ABHD12: variants seen among roughly 807,000 people sequenced by gnomAD.
The protein encoded by ABHD12 is lysophosphatidylserine lipase ABHD12.
ABHD12 carries 43 observed loss-of-function variants against 58.3 expected under a neutral mutation model. That is an observed-to-expected ratio of 0.74 (90% confidence interval 0.58 to 0.95). The LOEUF is 0.95. ABHD12 is among the 40% of genes least tolerant of loss of function. The probability of loss-of-function intolerance (pLI) is 0.00; values close to 1 mark genes in which losing one functional copy is unlikely to be tolerated. For missense variants in ABHD12, 539 were observed against 537.2 expected (o/e 1.00, Z -0.03); for synonymous variants, 219 against 211.2 (o/e 1.04, Z -0.32).
intron 1 of ABHD12, among the ~76,000 whole-genome samples, chr20:25,370,106 T>G (rs1286975042): frequency 2.0e-5 from 3 of 152,170 alleles, no homozygotes; most frequent in African/African-American, 7.2e-5. Context: ...TTGATTACAG[T>G]GGACCCAAAC....
intron 10 of ABHD12, among the ~76,000 whole-genome samples, chr20:25,304,755 G>A (rs2088703758): frequency 6.6e-6 from 1 of 151,166 alleles, no homozygotes; most frequent in Non-Finnish European, 1.5e-5. Context: ...TTTTAGTAGA[G>A]ACAGGGTTTC....
intron 2 of ABHD12, among the ~76,000 whole-genome samples, chr20:25,328,104 G>GA (rs770049229): frequency 1.1e-3 from 153 of 136,436 alleles, no homozygotes; most frequent in Middle Eastern, 3.7e-3. Flanking sequence ...CAGTCTCCTG[G>GA]AAAAAAAAAA....
chr20:25,304,680 G>A (rs2088702131), intron 10 of ABHD12, among the ~76,000 whole-genome samples: 1 of 152,234 alleles, frequency 6.6e-6, no homozygotes, highest in African/African-American at 2.4e-5. Context: ...TGATTCTCCT[G>A]CTTCAGCCTC....
chr20:25,331,545 C>A (rs1469767545), intron 2 of ABHD12, among the ~76,000 whole-genome samples: 3 of 152,088 alleles, frequency 2.0e-5, no homozygotes, highest in Non-Finnish European at 4.4e-5. Context: ...ATGTTAAGGG[C>A]AGCAAGAGAG....
intron 2 of ABHD12, among the ~76,000 whole-genome samples, chr20:25,334,492 G>A (rs1438197995): frequency 5.3e-5 from 8 of 152,198 alleles, no homozygotes; most frequent in Admixed American, 3.9e-4. Flanking sequence ...AGCCTGCATC[G>A]CCAAGTCAAT....
chr20:25,316,731 C>T (rs1444487275), intron 5 of ABHD12, among the ~76,000 whole-genome samples: 1 of 152,176 alleles, frequency 6.6e-6, no homozygotes, highest in African/African-American at 2.4e-5. Context: ...GAGTTCGAGA[C>T]CAGCCTGAGC....
Position 25,300,728 on chromosome 20 carries a change from G to T in ABHD12, c.*117C>A. 1 of 1,581,918 alleles carries T rather than the reference G, an allele frequency of 6.3e-7. No homozygotes were observed. On this transcript the variant is annotated 3_prime_UTR_variant, in exon 13 of 13. Transcript: ENST00000339157. ...GATCTGAGGTGCTCTCCAGGTGCGA[G>T]CTGGGCTCCTGAGCATTGCAGGTGC...
intron 6 of ABHD12, among the ~76,000 whole-genome samples, chr20:25,311,471 C>T (rs2088847908): frequency 6.6e-6 from 1 of 152,234 alleles, no homozygotes; most frequent in Non-Finnish European, 1.5e-5. Flanking sequence ...TCCAGAACTG[C>T]AAGACGCTAC....
At chr20:25,366,368 C>T (rs2089821484) in intron 1 of ABHD12, among the ~76,000 whole-genome samples, 2 of 151,090 alleles carry the variant, frequency 1.3e-5, no homozygotes, top group South Asian at 4.2e-4. Context: ...CTCCACCTCC[C>T]AGGTTCTCCT....
intron 1 of ABHD12, chr20:25,368,341 C>G (rs1216240129): frequency 3.2e-6 from 5 of 1,544,362 alleles, no homozygotes; most frequent in Non-Finnish European, 4.4e-6. Context: ...AACCACAGCG[C>G]TCCATGGCCT....
intron 1 of ABHD12, among the ~76,000 whole-genome samples, chr20:25,373,505 C>A (rs1430672167): frequency 2.0e-5 from 3 of 151,860 alleles, no homozygotes; most frequent in Non-Finnish European, 4.4e-5. Context: ...AGAGATTGTG[C>A]CACTGTGCTC....
chr20:25,373,154 A>G (rs927328770), intron 1 of ABHD12, among the ~76,000 whole-genome samples: 2 of 152,170 alleles, frequency 1.3e-5, no homozygotes, highest in African/African-American at 4.8e-5. Flanking sequence ...TCGCGTGACA[A>G]TGCACTTGCC....
At chr20:25,320,096 C>A (rs2089037510) in intron 4 of ABHD12, 103 bp downstream of exon 4, 2 of 1,540,618 alleles carry the variant, frequency 1.3e-6, no homozygotes, top group East Asian at 4.7e-5. Context: ...TTTTGTGGGA[C>A]CGCAGGTTGC....
At chr20:25,299,880 A>G (rs1251841376), downstream of ABHD12, among the ~76,000 whole-genome samples, 1 of 152,154 alleles carries the variant, frequency 6.6e-6, no homozygotes, top group Non-Finnish European at 1.5e-5. Context: ...ATGTCTACTC[A>G]GCTGCTCCCC....
intron 1 of ABHD12, among the ~76,000 whole-genome samples, chr20:25,380,115 GCCCTTCAGTGTAATT>G (rs1388198615): frequency 2.0e-5 from 3 of 152,262 alleles, no homozygotes; most frequent in African/African-American, 7.2e-5. Flanking sequence ...TGTTTAATCT[GCCCTTCAGTGTAATT>G]CCCTTCAGTG....
intron 2 of ABHD12, among the ~76,000 whole-genome samples, chr20:25,327,942 C>T (rs1292818998): frequency 6.6e-6 from 1 of 152,092 alleles, no homozygotes; most frequent in Non-Finnish European, 1.5e-5. Flanking sequence ...ACCGACTCAG[C>T]GCAAGAAGAC....
At chr20:25,387,922 T>C (rs1267508449) in intron 1 of ABHD12, among the ~76,000 whole-genome samples, 1 of 150,908 alleles carries the variant, frequency 6.6e-6, no homozygotes, top group Non-Finnish European at 1.5e-5. Flanking sequence ...GCGCCTGTAA[T>C]CCCAGCTACT....
chr20:25,383,243 C>T (rs2146136799), intron 1 of ABHD12, among the ~76,000 whole-genome samples: 1 of 152,240 alleles, frequency 6.6e-6, no homozygotes, highest in South Asian at 2.1e-4. Context: ...CCATTAGCAA[C>T]CTTGGATAAA....
chr20:25,356,937 C>T (rs1156815904), intron 1 of ABHD12, among the ~76,000 whole-genome samples: 1 of 152,144 alleles, frequency 6.6e-6, no homozygotes, highest in Admixed American at 6.5e-5. Context: ...GAGCTCAAGG[C>T]CAGCCTGGGC....
Sources: allele counts gnomAD v4.1 joint callset (sites outside exome capture counted in the v4.1 genomes callset), GRCh38; gene constraint gnomAD v4.1.1; transcripts MANE v1.5; gene names NCBI Gene and HGNC (gene_info 2026-07-23, HGNC 2026-07-21).